The following AGBL4 variants were observed in gnomAD, a reference collection of about 807,000 sequenced individuals.
AGBL4 encodes AGBL carboxypeptidase 4.
A neutral mutation model predicts 66.4 loss-of-function variants in AGBL4; 58 were observed. The observed-to-expected ratio is 0.87, with a 90% CI of 0.71 to 1.09. AGBL4 has a LOEUF of 1.09. Ranked by LOEUF, AGBL4 falls within the 50% of genes least tolerant of loss-of-function variation. The probability of loss-of-function intolerance (pLI) is 0.00; values close to 1 mark genes in which losing one functional copy is unlikely to be tolerated. For missense variants in AGBL4, 579 were observed against 631.0 expected (o/e 0.92, Z 0.88); for synonymous variants, 234 against 222.9 (o/e 1.05, Z -0.44).
chr1:49,085,340 T>TA (rs1372562258), intron 4 of AGBL4, among the ~76,000 whole-genome samples: 5 of 151,866 alleles, frequency 3.3e-5, no homozygotes, highest in Non-Finnish European at 7.4e-5. Flanking sequence ...CCTTTGGACT[T>TA]ACACTGGGAT....
chr1:49,434,492 A>C (rs768735950), intron 3 of AGBL4, among the ~76,000 whole-genome samples: 1 of 152,188 alleles, frequency 6.6e-6, no homozygotes, highest in Non-Finnish European at 1.5e-5. Flanking sequence ...CTCTGACTTG[A>C]AAATGTTTGA....
intron 3 of AGBL4, among the ~76,000 whole-genome samples, chr1:49,424,897 T>G (rs990644318): frequency 6.6e-6 from 1 of 152,032 alleles, no homozygotes; most frequent in African/African-American, 2.4e-5. Flanking sequence ...GTATGAGGCC[T>G]GGTGAGGAAA....
intron 5 of AGBL4, among the ~76,000 whole-genome samples, chr1:49,023,078 T>C (rs555652683): frequency 7.4e-4 from 113 of 152,286 alleles, no homozygotes; most frequent in African/African-American, 2.6e-3. Context: ...AAATGGAGAA[T>C]CTATGTTGAC....
In AGBL4 at chr1:49,940,413, G is replaced by T. The variant is rs1654623523; in HGVS notation, c.34+83350C>A. Among the ~76,000 whole-genome samples, 2 of 152,104 alleles carry T rather than the reference G, an allele frequency of 1.3e-5. 1 individual carries two copies. The highest frequency in any genetic ancestry group is 2.9e-5 in the Non-Finnish European group (2 of 68,032). On this transcript the variant is annotated intron_variant, in intron 1 of 13. Transcript: ENST00000371839. Reference sequence around the variant, plus strand: ...AGACACATGCACACATATGTTTATTGCGGCATTATTCACAATAGCAAAGAC... The same window carrying T: ...AGACACATGCACACATATGTTTATTTCGGCATTATTCACAATAGCAAAGAC...
chr1:48,871,403 G>A (rs937200861), intron 5 of AGBL4, among the ~76,000 whole-genome samples: 18 of 150,320 alleles, frequency 1.2e-4, no homozygotes, highest in African/African-American at 3.6e-4. Context: ...GTGTATGTGC[G>A]TTTGGGGTCG....
chr1:49,329,018 T>C (rs913410983), intron 3 of AGBL4, among the ~76,000 whole-genome samples: 1 of 152,176 alleles, frequency 6.6e-6, no homozygotes, highest in Middle Eastern at 3.2e-3. Flanking sequence ...ATAATACCTC[T>C]CTAAGTGGCC....
chr1:49,305,148 T>C (rs1437509588), intron 3 of AGBL4, among the ~76,000 whole-genome samples: 1 of 152,222 alleles, frequency 6.6e-6, no homozygotes, highest in African/African-American at 2.4e-5. Flanking sequence ...TCAACATTTA[T>C]AATAAGCTAC....
chr1:49,846,343 A>G, intron 2 of AGBL4: 1 of 1,532,944 alleles, frequency 6.5e-7, no homozygotes, highest in Non-Finnish European at 9.0e-7. Context: ...GGGACTATGG[A>G]AAGACCTTTA....
At chr1:48,728,566 T>C (rs1192268227) in intron 6 of AGBL4, among the ~76,000 whole-genome samples, 1 of 151,930 alleles carries the variant, frequency 6.6e-6, no homozygotes, top group African/African-American at 2.4e-5. Flanking sequence ...TTTTCACTGA[T>C]GAGTAGTGTT....
intron 3 of AGBL4, among the ~76,000 whole-genome samples, chr1:49,531,232 TGC>T (rs1485235174): frequency 6.6e-6 from 1 of 152,040 alleles, no homozygotes; most frequent in African/African-American, 2.4e-5. Context: ...CTGAGAAGAG[TGC>T]ACTGGGCTGT....
chr1:49,535,959 G>C (rs865885463), intron 3 of AGBL4, among the ~76,000 whole-genome samples: 5 of 152,150 alleles, frequency 3.3e-5, no homozygotes, highest in Admixed American at 1.3e-4. Flanking sequence ...CCAAAGTGCT[G>C]GGATTACAGG....
intron 3 of AGBL4, among the ~76,000 whole-genome samples, chr1:49,671,905 A>G (rs1646483650): frequency 1.3e-5 from 2 of 152,282 alleles, no homozygotes; most frequent in South Asian, 4.1e-4. Flanking sequence ...AAGTAGTTCA[A>G]CTATGGTAGA....
chr1:49,086,812 G>C lies in AGBL4; in HGVS notation c.378-41012C>G, dbSNP rs184788037. On this transcript the variant is annotated intron_variant, in intron 4 of 13. Transcript: ENST00000371839. ...CAGGAAGAACTCAGACAGCAGATTA[G>C]GGCTGACCCAGCAAAGATGCAGCCT... Among the ~76,000 whole-genome samples, 346 of 152,062 alleles carry C rather than the reference G, an allele frequency of 2.3e-3. 3 individuals are homozygous for C. The highest frequency in any genetic ancestry group is 3.9e-3 in the Non-Finnish European group (268 of 67,978).
chr1:49,362,541 A>G (rs1644162335), intron 3 of AGBL4, among the ~76,000 whole-genome samples: 1 of 151,942 alleles, frequency 6.6e-6, no homozygotes, highest in African/African-American at 2.4e-5. Flanking sequence ...AGAACTCAGC[A>G]AACTTCAGCC....
At chr1:49,311,559 A>C (rs1237456284) in intron 3 of AGBL4, among the ~76,000 whole-genome samples, 1 of 152,068 alleles carries the variant, frequency 6.6e-6, no homozygotes, top group East Asian at 1.9e-4. Context: ...CACATAACAA[A>C]AATGAAGCAT....
At chr1:48,995,891 T>A (rs1335878052) in intron 5 of AGBL4, among the ~76,000 whole-genome samples, 1 of 152,146 alleles carries the variant, frequency 6.6e-6, no homozygotes, top group Non-Finnish European at 1.5e-5. Flanking sequence ...GGGAGAGACA[T>A]AATCTGGCTG....
intron 6 of AGBL4, among the ~76,000 whole-genome samples, chr1:48,771,526 T>C (rs1294849959): frequency 6.6e-6 from 1 of 152,218 alleles, no homozygotes; most frequent in Non-Finnish European, 1.5e-5. Context: ...GAACCCTCAA[T>C]GGTTAACATC....
chr1:49,792,219 A>G (rs922154655), intron 2 of AGBL4, among the ~76,000 whole-genome samples: 1 of 152,080 alleles, frequency 6.6e-6, no homozygotes, highest in African/African-American at 2.4e-5. Context: ...TTTATGGATC[A>G]GCAACTTATA....
chr1:49,124,894 G>A (rs1175850340), intron 4 of AGBL4, among the ~76,000 whole-genome samples: 1 of 152,138 alleles, frequency 6.6e-6, no homozygotes, highest in Admixed American at 6.6e-5. Context: ...CTGGATATAA[G>A]GAGCAATCAA....
Sources: gnomAD v4.1 joint callset for allele counts (sites outside exome capture counted in the v4.1 genomes callset) on GRCh38, gnomAD v4.1.1 for gene constraint, MANE v1.5 for transcripts, NCBI Gene and HGNC (gene_info 2026-07-23, HGNC 2026-07-21) for gene names.